The following KIF6 variants were observed in gnomAD, a reference collection of about 807,000 sequenced individuals.
KIF6 encodes kinesin-like protein KIF6.
Under a neutral mutation model 112.7 loss-of-function variants are expected in KIF6, and 106 were observed. The ratio of observed to expected loss-of-function variants is 0.94; its 90% CI spans 0.80 to 1.11. The LOEUF is 1.11. Among genes scored for constraint, KIF6 ranks in the 50% least tolerant of loss-of-function variants. The probability of loss-of-function intolerance (pLI) is 0.00; values close to 1 mark genes in which losing one functional copy is unlikely to be tolerated. For synonymous variants in KIF6, 339 were observed against 339.9 expected, an observed-to-expected ratio of 1.00 and a Z score of 0.03; for missense variants, 929 against 964.0, an observed-to-expected ratio of 0.96 and a Z score of 0.48.
intron 3 of KIF6, among the ~76,000 whole-genome samples, chr6:39,676,492 A>T (rs1787147275): frequency 6.6e-6 from 1 of 152,208 alleles, no homozygotes; most frequent in Admixed American, 6.5e-5. Flanking sequence ...AAAGAAGTGA[A>T]AACAGGCAAC....
At chr6:39,509,550 C>T (rs1776642310) in intron 13 of KIF6, among the ~76,000 whole-genome samples, 1 of 152,104 alleles carries the variant, frequency 6.6e-6, no homozygotes, top group African/African-American at 2.4e-5. Flanking sequence ...CCTGATGGAG[C>T]TGAAAACCAC....
intron 13 of KIF6, among the ~76,000 whole-genome samples, chr6:39,504,819 A>T (rs750800810): frequency 2.0e-5 from 3 of 152,218 alleles, no homozygotes; most frequent in Admixed American, 6.5e-5. Flanking sequence ...TTTGAGGAGA[A>T]CTACAAACCA....
At chr6:39,636,646 G>C (rs937111713) in intron 4 of KIF6, among the ~76,000 whole-genome samples, 1 of 151,910 alleles carries the variant, frequency 6.6e-6, no homozygotes, top group Non-Finnish European at 1.5e-5. Flanking sequence ...GAGTTCCATG[G>C]TCAACATATA....
At chr6:39,460,536 T>TAAAAA (rs759528125) in intron 13 of KIF6, among the ~76,000 whole-genome samples, 1 of 57,076 alleles carries the variant, frequency 1.8e-5, no homozygotes, top group African/African-American at 7.3e-5. Flanking sequence ...AAAAAAAAAG[T>TAAAAA]AAAAAAAAAA....
At chr6:39,657,922 C>T (rs1159968531) in intron 3 of KIF6, among the ~76,000 whole-genome samples, 1 of 134,048 alleles carries the variant, frequency 7.5e-6, no homozygotes, top group African/African-American at 2.5e-5. Flanking sequence ...TGCCTAAACC[C>T]TACAATCACT....
chr6:39,610,410 C>A (rs778562792), intron 6 of KIF6, among the ~76,000 whole-genome samples: 4 of 152,188 alleles, frequency 2.6e-5, no homozygotes, highest in Non-Finnish European at 5.9e-5. Flanking sequence ...CACTTTGTGT[C>A]CCACATATTC....
chr6:39,558,034 T>C lies in KIF6; in HGVS notation c.1182-12346A>G, dbSNP rs535265856. On this transcript the variant is annotated intron_variant, in intron 10 of 22. Coordinates refer to ENST00000287152, the MANE Select transcript of KIF6 (RefSeq NM_145027.6). ...AAAACTCTTACAACTCTCACAACTC[T>C]CAGAGCAAAGTTTAAAAAACTCAAA... 1.5e-4 allele frequency among the ~76,000 whole-genome samples: 22 copies of C among 151,710 alleles called. No homozygotes were observed. The East Asian group carries it at 4.1e-3, about 28-fold the overall frequency.
At chr6:39,655,294 G>C (rs142855679) in intron 3 of KIF6, among the ~76,000 whole-genome samples, 1 of 152,064 alleles carries the variant, frequency 6.6e-6, no homozygotes, top group African/African-American at 2.4e-5. Context: ...AATGTCCTTT[G>C]ACTACTTTTG....
At chr6:39,406,701 C>G (rs1403660411) in intron 15 of KIF6, among the ~76,000 whole-genome samples, 1 of 151,902 alleles carries the variant, frequency 6.6e-6, no homozygotes. Context: ...TATCTTGGGA[C>G]TTTCTTTTTG....
At chr6:39,460,268 G>GC (rs1773377338) in intron 13 of KIF6, among the ~76,000 whole-genome samples, 1 of 117,612 alleles carries the variant, frequency 8.5e-6, no homozygotes, top group African/African-American at 3.4e-5. Flanking sequence ...GTAAACTATC[G>GC]CAAGAACAAA....
At chr6:39,592,144 CTTTT>C (rs35029227) in intron 7 of KIF6, among the ~76,000 whole-genome samples, 2 of 152,054 alleles carry the variant, frequency 1.3e-5, no homozygotes, top group African/African-American at 4.8e-5. Context: ...ACAAACCTGA[CTTTT>C]TTTATTGTTT....
intron 19 of KIF6, among the ~76,000 whole-genome samples, chr6:39,353,589 A>T (rs1458654102): frequency 6.6e-6 from 1 of 152,260 alleles, no homozygotes; most frequent in African/African-American, 2.4e-5. Flanking sequence ...AAAGTCCAAC[A>T]TCAATTTTTT....
intron 17 of KIF6, among the ~76,000 whole-genome samples, chr6:39,360,822 A>C (rs1181444026): frequency 6.6e-6 from 1 of 152,214 alleles, no homozygotes; most frequent in Non-Finnish European, 1.5e-5. Flanking sequence ...GCACTTACTA[A>C]GGGATAAGCA....
chr6:39,343,210 G>A lies in KIF6; in HGVS notation c.2428+499C>T, dbSNP rs371300240. On this transcript the variant is annotated intron_variant, in intron 22 of 22. Coordinates refer to ENST00000287152, the MANE Select transcript of KIF6 (RefSeq NM_145027.6). The surrounding 1 kb of genome is among the most constrained non-coding windows in gnomAD (Gnocchi z 4.1). ...TTCTTCTCTTCCTGTTGTCTGACAC[G>A]CCACTCTTACTTCCTCTGTGATTGT... The A allele has an allele frequency of 1.1e-4, 137 of 1,218,268 alleles. 1 individual carries two copies. In the East Asian group the frequency reaches 3.4e-3, roughly 30 times the overall value. The allele number at this position is 1,218,268 out of a possible 1,614,324, so 75.5% of individuals were successfully genotyped here. A position where few individuals can be genotyped will look rare whatever the true frequency, so the allele number is the denominator to read the frequency against.
At chr6:39,532,972 C>T (rs988036065) in intron 13 of KIF6, among the ~76,000 whole-genome samples, 1 of 152,202 alleles carries the variant, frequency 6.6e-6, no homozygotes, top group African/African-American at 2.4e-5. Flanking sequence ...GCTCCCAGCA[C>T]AGTCTGTAGT....
At chr6:39,515,603 T>C (rs1271287550) in intron 13 of KIF6, among the ~76,000 whole-genome samples, 1 of 152,154 alleles carries the variant, frequency 6.6e-6, no homozygotes, top group Non-Finnish European at 1.5e-5. Context: ...CTCAAACACT[T>C]CTCTTATATA....
In KIF6 at chr6:39,377,511, A is replaced by G. The variant is rs536271652; in HGVS notation, c.1861+8111T>C. Among the ~76,000 whole-genome samples, 7 of 152,254 alleles carry G rather than the reference A, an allele frequency of 4.6e-5. No individual in the cohort carries two copies. The South Asian group carries it at 1.2e-3, about 27-fold the overall frequency. ...AGTCTGGCCTTTTGCTTTCTCTTAA[A>G]TTTGTTGTCCCTAGGTGCAGAACTG... is the stretch of plus-strand genomic sequence containing the variant. On this transcript the variant is annotated intron_variant, in intron 16 of 22. Transcript: ENST00000287152.
At chr6:39,619,932 A>G (rs1783724435) in intron 5 of KIF6, among the ~76,000 whole-genome samples, 1 of 152,204 alleles carries the variant, frequency 6.6e-6, no homozygotes. Flanking sequence ...TATTATGTTA[A>G]TCTAACCAAA....
chr6:39,626,776 A>C (rs895710579), intron 5 of KIF6, among the ~76,000 whole-genome samples: 1 of 152,134 alleles, frequency 6.6e-6, no homozygotes, highest in Non-Finnish European at 1.5e-5. Context: ...GTTTATTCAA[A>C]CATGTGAATT....
Sources: allele counts gnomAD v4.1 joint callset (sites outside exome capture counted in the v4.1 genomes callset), GRCh38; gene constraint gnomAD v4.1.1; non-coding constraint Gnocchi (gnomAD v3.1); transcripts MANE v1.5; gene names NCBI Gene and HGNC (gene_info 2026-07-23, HGNC 2026-07-21).